Variants in HS3ST3A1 observed in about 807,000 individuals in gnomAD.
The protein encoded by HS3ST3A1 is heparan sulfate-glucosamine 3-sulfotransferase 3A1.
In HS3ST3A1, 19 loss-of-function variants were observed where a neutral mutation model predicts 25.7. The observed-to-expected ratio is 0.74, with a 90% CI of 0.52 to 1.08. The LOEUF (loss-of-function observed/expected upper bound fraction) is 1.08. Among genes scored for constraint, HS3ST3A1 ranks in the 50% least tolerant of loss-of-function variants. The pLI, the probability that HS3ST3A1 is intolerant of heterozygous loss-of-function variation, is 0.00. For missense variants in HS3ST3A1, 459 were observed against 594.3 expected (o/e 0.77, Z 2.37); for synonymous variants, 226 against 278.6 (o/e 0.81, Z 1.88).
At chr17:13,585,769 A>AGC (rs1908241457) in intron 1 of HS3ST3A1, among the ~76,000 whole-genome samples, 1 of 148,802 alleles carries the variant, frequency 6.7e-6, no homozygotes, top group Non-Finnish European at 1.5e-5. Context: ...CTTAACCCAG[A>AGC]GCGCTTTCCA....
At chr17:13,568,960 T>TTTTTTA (rs1907738522) in intron 1 of HS3ST3A1, among the ~76,000 whole-genome samples, 1 of 152,170 alleles carries the variant, frequency 6.6e-6, no homozygotes, top group Non-Finnish European at 1.5e-5. Context: ...ATGAGAGACT[T>TTTTTTA]TTTTTATTTT....
At chr17:13,546,412 C>T (rs912395603) in intron 1 of HS3ST3A1, among the ~76,000 whole-genome samples, 9 of 152,204 alleles carry the variant, frequency 5.9e-5, no homozygotes, top group African/African-American at 1.4e-4. Flanking sequence ...ATTACAAGTG[C>T]GTGTGCCACT....
intron 1 of HS3ST3A1, among the ~76,000 whole-genome samples, chr17:13,569,769 G>A (rs958150396): frequency 2.0e-5 from 3 of 152,238 alleles, no homozygotes; most frequent in Admixed American, 1.3e-4. Flanking sequence ...GAAACAAAAA[G>A]TAAAATATAA....
chr17:13,514,497 T>A (rs759320839), intron 1 of HS3ST3A1, among the ~76,000 whole-genome samples: 36 of 152,258 alleles, frequency 2.4e-4, no homozygotes, highest in Non-Finnish European at 1.9e-4. Context: ...GCCACCTACA[T>A]CATATACTAA....
chr17:13,517,271 C>A (rs1906086737), intron 1 of HS3ST3A1, among the ~76,000 whole-genome samples: 1 of 152,150 alleles, frequency 6.6e-6, no homozygotes, highest in South Asian at 2.1e-4. Flanking sequence ...ACCTAAAGTG[C>A]AAAATTTTTA....
chr17:13,507,514 A>G (rs964519872), intron 1 of HS3ST3A1, among the ~76,000 whole-genome samples: 1 of 152,170 alleles, frequency 6.6e-6, no homozygotes, highest in African/African-American at 2.4e-5. Context: ...GCCAAAACAT[A>G]TGAGTGTTAA....
chr17:13,508,238 T>C (rs1433001062), intron 1 of HS3ST3A1, among the ~76,000 whole-genome samples: 1 of 152,184 alleles, frequency 6.6e-6, no homozygotes, highest in African/African-American at 2.4e-5. Flanking sequence ...ATTCTTATTC[T>C]CACTAGTCTT....
chr17:13,587,447 C>T (rs550864287), intron 1 of HS3ST3A1, among the ~76,000 whole-genome samples: 33 of 152,200 alleles, frequency 2.2e-4, no homozygotes, highest in African/African-American at 6.0e-4. Context: ...AGTGAGACTC[C>T]GTCTCAAAAA....
intron 1 of HS3ST3A1, among the ~76,000 whole-genome samples, chr17:13,582,578 T>G (rs1478294630): frequency 6.6e-6 from 1 of 152,240 alleles, no homozygotes; most frequent in African/African-American, 2.4e-5. Flanking sequence ...AGCCAAAATA[T>G]AATCTGTCCA....
intron 1 of HS3ST3A1, among the ~76,000 whole-genome samples, chr17:13,522,745 C>A (rs1289060374): frequency 5.3e-5 from 8 of 151,584 alleles, no homozygotes; most frequent in Admixed American, 5.3e-4. Flanking sequence ...CACATAAAAA[C>A]TGAAACAATA....
At chr17:13,524,591 T>G (rs1906352176) in intron 1 of HS3ST3A1, among the ~76,000 whole-genome samples, 1 of 152,206 alleles carries the variant, frequency 6.6e-6, no homozygotes, top group African/African-American at 2.4e-5. Flanking sequence ...TTTTTCCAAT[T>G]GCTCTGGCAA....
At chr17:13,519,994 A>G (rs8080724) in intron 1 of HS3ST3A1, among the ~76,000 whole-genome samples, 16,097 of 152,226 alleles carry the variant, frequency 0.11, 1,034 homozygotes, top group Non-Finnish European at 0.15. Flanking sequence ...GGTTAAAAGT[A>G]CCTGATTCCA....
intron 1 of HS3ST3A1, among the ~76,000 whole-genome samples, chr17:13,580,161 A>G (rs372036020): frequency 3.3e-5 from 5 of 152,114 alleles, no homozygotes; most frequent in African/African-American, 1.2e-4. Flanking sequence ...GCTGATAAAA[A>G]TTCACAGATT....
chr17:13,541,988 A>G (rs538240118), intron 1 of HS3ST3A1, among the ~76,000 whole-genome samples: 1 of 152,270 alleles, frequency 6.6e-6, no homozygotes, highest in African/African-American at 2.4e-5. Flanking sequence ...TCAACTCTCA[A>G]TGTGACTGTA....
In HS3ST3A1 at chr17:13,500,985, T is replaced by C. The variant is rs147177866; in HGVS notation, c.600-4167A>G. ...ACATAGATGAACCCTGGGGACATTA[T>C]GCCAAGTGAAATAATCCAGTGACAA... On this transcript the variant is annotated intron_variant, in intron 1 of 1. Coordinates refer to ENST00000284110, the MANE Select transcript of HS3ST3A1 (RefSeq NM_006042.3). 4.6e-4 allele frequency among the ~76,000 whole-genome samples: 70 copies of C among 152,366 alleles called. 2 individuals are homozygous for C. The East Asian group carries it at 0.013, about 29-fold the overall frequency.
chr17:13,535,436 C>T (rs930988830), intron 1 of HS3ST3A1, among the ~76,000 whole-genome samples: 8 of 152,166 alleles, frequency 5.3e-5, no homozygotes, highest in African/African-American at 1.7e-4. Flanking sequence ...AGCCAGGTTA[C>T]AGTATGAGAG....
chr17:13,583,831 C>A (rs945288360), intron 1 of HS3ST3A1, among the ~76,000 whole-genome samples: 2 of 152,142 alleles, frequency 1.3e-5, no homozygotes, highest in Non-Finnish European at 2.9e-5. Flanking sequence ...AGAAATTGAA[C>A]ACTACAACGG....
chr17:13,524,663 C>T (rs1036153686), intron 1 of HS3ST3A1, among the ~76,000 whole-genome samples: 4 of 152,066 alleles, frequency 2.6e-5, no homozygotes, highest in Non-Finnish European at 4.4e-5. Context: ...AAAATTTCTA[C>T]GTGTTCTATG....
At chr17:13,577,930 C>G (rs1301356841) in intron 1 of HS3ST3A1, among the ~76,000 whole-genome samples, 1 of 151,994 alleles carries the variant, frequency 6.6e-6, no homozygotes, top group Non-Finnish European at 1.5e-5. Flanking sequence ...AGAACCCAAT[C>G]AAAACGGGCA....
Sources: allele counts gnomAD v4.1 joint callset (sites outside exome capture counted in the v4.1 genomes callset), GRCh38; gene constraint gnomAD v4.1.1; transcripts MANE v1.5; gene names NCBI Gene and HGNC (gene_info 2026-07-23, HGNC 2026-07-21).